MGMT: variants seen among roughly 807,000 people sequenced by gnomAD.
The protein encoded by MGMT is methylated-DNA--protein-cysteine methyltransferase.
MGMT carries 14 observed loss-of-function variants against 15.9 expected under a neutral mutation model. The ratio of observed to expected loss-of-function variants is 0.88; its 90% CI spans 0.58 to 1.37. MGMT has a LOEUF of 1.37. Among genes scored for constraint, MGMT ranks in the 40% most tolerant of loss-of-function variants. The pLI is 0.00. For synonymous variants in MGMT, 130 were observed against 118.2 expected, an observed-to-expected ratio of 1.10 and a Z score of -0.65; for missense variants, 282 against 268.1, an observed-to-expected ratio of 1.05 and a Z score of -0.36.
intron 2 of MGMT, among the ~76,000 whole-genome samples, chr10:129,542,003 A>T (rs1846047175): frequency 6.6e-6 from 1 of 151,954 alleles, no homozygotes; most frequent in Non-Finnish European, 1.5e-5. Context: ...CTGACCCTAG[A>T]CCCTCTGGAA....
chr10:129,743,322 C>T lies in MGMT; in HGVS notation c.275-15880C>T, dbSNP rs977323998. On this transcript the variant is annotated intron_variant, in intron 3 of 4. Coordinates refer to ENST00000651593, the MANE Select transcript of MGMT (RefSeq NM_002412.5). ...TATCTCATAGCTTGTTGGAAACCCA[C>T]GTTGAGTTGGGGCTTTGTTCATCCA... 4.6e-5 allele frequency among the ~76,000 whole-genome samples: 7 copies of T among 152,336 alleles called. No homozygotes were observed. The South Asian group carries it at 1.2e-3, about 27-fold the overall frequency.
intron 2 of MGMT, among the ~76,000 whole-genome samples, chr10:129,558,116 G>A (rs1846236359): frequency 6.6e-6 from 1 of 152,200 alleles, no homozygotes; most frequent in African/African-American, 2.4e-5. Flanking sequence ...TGTGCGCCCG[G>A]GGTCAGGTGT....
intron 2 of MGMT, chr10:129,563,709 G>C (rs1846306542): frequency 6.6e-6 from 1 of 152,102 alleles, no homozygotes; most frequent in Non-Finnish European, 1.5e-5. Flanking sequence ...AATTTTTGGA[G>C]TACTGCAATA....
chr10:129,604,502 G>T (rs1482160353), intron 2 of MGMT, among the ~76,000 whole-genome samples: 1 of 152,248 alleles, frequency 6.6e-6, no homozygotes, highest in African/African-American at 2.4e-5. Flanking sequence ...CTTGTGGTCA[G>T]TCTGTGGGCT....
intron 2 of MGMT, among the ~76,000 whole-genome samples, chr10:129,582,513 C>T (rs1365147782): frequency 1.3e-5 from 2 of 151,986 alleles, no homozygotes; most frequent in African/African-American, 4.8e-5. Context: ...CAACGTCTTC[C>T]CGATATTTAG....
chr10:129,569,720 A>G (rs1427449883), intron 2 of MGMT, among the ~76,000 whole-genome samples: 1 of 152,146 alleles, frequency 6.6e-6, no homozygotes, highest in Non-Finnish European at 1.5e-5. Context: ...GGGAGGATGC[A>G]GGAGGAACGG....
intron 3 of MGMT, among the ~76,000 whole-genome samples, chr10:129,751,158 A>G (rs949275490): frequency 6.6e-6 from 1 of 152,058 alleles, no homozygotes; most frequent in African/African-American, 2.4e-5. Flanking sequence ...TGGTAAAACC[A>G]TCTTGGCCCT....
At chr10:129,473,727 T>C (rs1327409239) in intron 1 of MGMT, among the ~76,000 whole-genome samples, 3 of 152,204 alleles carry the variant, frequency 2.0e-5, no homozygotes, top group Non-Finnish European at 2.9e-5. Flanking sequence ...GTCTTTAGCA[T>C]TGTGGGAAAA....
intron 3 of MGMT, among the ~76,000 whole-genome samples, chr10:129,728,834 C>T (rs764160419): frequency 2.6e-5 from 4 of 152,058 alleles, no homozygotes; most frequent in South Asian, 2.1e-4. Flanking sequence ...TCGCCATCAG[C>T]GTCACCAGCA....
In MGMT at chr10:129,556,358, C is replaced by G. The variant is rs1846213352; in HGVS notation, c.125+19981C>G. 6.6e-6 allele frequency among the ~76,000 whole-genome samples: 1 copy of G among 152,124 alleles called. No homozygotes were observed. Among genetic ancestry groups the G allele is most frequent in the African/African-American group, 2.4e-5 (1 of 41,408 alleles). On this transcript the variant is annotated intron_variant, in intron 2 of 4. Transcript: ENST00000651593. The surrounding 1 kb of genome is among the most constrained non-coding windows in gnomAD (Gnocchi z 4.3). ...CCCCTCACCCAGTGTGACCGGTGTC[C>G]CCATGAGATGGAGGTTGTGGCACAG...
At chr10:129,561,221 T>C (rs994814492) in intron 2 of MGMT, among the ~76,000 whole-genome samples, 1 of 152,210 alleles carries the variant, frequency 6.6e-6, no homozygotes, top group Non-Finnish European at 1.5e-5. Flanking sequence ...GTTACTACTT[T>C]CTATACAAGA....
At chr10:129,643,579 C>A (rs1045603854) in intron 2 of MGMT, among the ~76,000 whole-genome samples, 3 of 152,174 alleles carry the variant, frequency 2.0e-5, no homozygotes, top group African/African-American at 7.2e-5. Flanking sequence ...CAAGGACCCA[C>A]ACATGCTAAG....
chr10:129,531,370 T>C (rs1200302657), intron 1 of MGMT, among the ~76,000 whole-genome samples: 2 of 152,252 alleles, frequency 1.3e-5, no homozygotes, highest in Admixed American at 6.5e-5. Context: ...CCTGGCTGGG[T>C]TGCGATGGTT....
chr10:129,545,060 C>T (rs1207887739), intron 2 of MGMT, among the ~76,000 whole-genome samples: 3 of 152,162 alleles, frequency 2.0e-5, no homozygotes, highest in Non-Finnish European at 1.5e-5. Context: ...TGCACTTCGT[C>T]CTTGGGACCC....
At chr10:129,578,568 A>T (rs894212874) in intron 2 of MGMT, among the ~76,000 whole-genome samples, 5 of 152,102 alleles carry the variant, frequency 3.3e-5, no homozygotes, top group Admixed American at 1.3e-4. Flanking sequence ...GCATTAGGAG[A>T]TATACCTAAT....
At chr10:129,593,136 GTC>G (rs1346279269) in intron 2 of MGMT, among the ~76,000 whole-genome samples, 1 of 152,172 alleles carries the variant, frequency 6.6e-6, no homozygotes, top group African/African-American at 2.4e-5. Context: ...GGGCTCAGGT[GTC>G]TCTCATCAGT....
intron 3 of MGMT, among the ~76,000 whole-genome samples, chr10:129,722,057 G>A (rs1355904795): frequency 6.6e-6 from 1 of 151,764 alleles, no homozygotes; most frequent in Non-Finnish European, 1.5e-5. Flanking sequence ...AGAGTCCTAT[G>A]TAAAGATGGA....
At chr10:129,541,786 C>G (rs1216063606) in intron 2 of MGMT, among the ~76,000 whole-genome samples, 1 of 152,186 alleles carries the variant, frequency 6.6e-6, no homozygotes, top group East Asian at 1.9e-4. Context: ...AATGTGGGGA[C>G]TACACACAGA....
chr10:129,695,530 T>C (rs904276483), intron 2 of MGMT, among the ~76,000 whole-genome samples: 6 of 152,236 alleles, frequency 3.9e-5, no homozygotes, highest in African/African-American at 1.4e-4. Flanking sequence ...CATTTAGTTA[T>C]GATTGTTAAA....
Sources: gnomAD v4.1 joint callset for allele counts (sites outside exome capture counted in the v4.1 genomes callset) on GRCh38, gnomAD v4.1.1 for gene constraint, Gnocchi (gnomAD v3.1) non-coding constraint, MANE v1.5 for transcripts, NCBI Gene and HGNC (gene_info 2026-07-23, HGNC 2026-07-21) for gene names.